The following CWC27 variants were observed in gnomAD, a reference collection of about 807,000 sequenced individuals.
CWC27 encodes the protein spliceosome-associated protein CWC27 homolog.
A neutral mutation model predicts 63.6 loss-of-function variants in CWC27; 47 were observed. The ratio of observed to expected loss-of-function variants is 0.74; its 90% CI spans 0.58 to 0.94. The LOEUF is 0.94. Among genes scored for constraint, CWC27 ranks in the 40% least tolerant of loss-of-function variants. CWC27 has a pLI of 0.00. For missense variants in CWC27, 495 were observed against 554.3 expected (o/e 0.89, Z 1.07); for synonymous variants, 175 against 179.8 (o/e 0.97, Z 0.22).
At chr5:64,956,313 T>G (rs910444374) in intron 11 of CWC27, among the ~76,000 whole-genome samples, 3 of 152,170 alleles carry the variant, frequency 2.0e-5, no homozygotes, top group Non-Finnish European at 4.4e-5. Flanking sequence ...ATTTCTTTAT[T>G]TGGCATTCAG....
At chr5:64,911,845 T>C (rs899053438) in intron 11 of CWC27, among the ~76,000 whole-genome samples, 1 of 151,892 alleles carries the variant, frequency 6.6e-6, no homozygotes, top group African/African-American at 2.4e-5. Context: ...GAGGCCGAGG[T>C]GGGCGGATCA....
intron 10 of CWC27, chr5:64,807,995 G>T: frequency 2.2e-6 from 3 of 1,385,356 alleles, no homozygotes; most frequent in Non-Finnish European, 1.9e-6. Flanking sequence ...TAATCGACTG[G>T]CTACTTTCCA....
chr5:64,945,255 CTA>C (rs1239319831), intron 11 of CWC27, among the ~76,000 whole-genome samples: 1 of 152,132 alleles, frequency 6.6e-6, no homozygotes, highest in African/African-American at 2.4e-5. Flanking sequence ...TTGTAATATA[CTA>C]TATGTCTTAT....
At chr5:64,795,686 A>T (rs1382835508) in intron 7 of CWC27, among the ~76,000 whole-genome samples, 1 of 152,128 alleles carries the variant, frequency 6.6e-6, no homozygotes, top group Non-Finnish European at 1.5e-5. Flanking sequence ...TTGTAATTAC[A>T]TTTGGACCCA....
intron 10 of CWC27, among the ~76,000 whole-genome samples, chr5:64,835,637 A>G (rs895970145): frequency 1.2e-4 from 18 of 151,832 alleles, no homozygotes; most frequent in African/African-American, 3.6e-4. Flanking sequence ...TTTTTGGTAT[A>G]ACTTAAATAT....
chr5:64,792,647 C>A (rs1414809664), intron 7 of CWC27, among the ~76,000 whole-genome samples: 1 of 152,070 alleles, frequency 6.6e-6, no homozygotes, highest in Non-Finnish European at 1.5e-5. Flanking sequence ...TTGCATTGTA[C>A]ACTAGTCCAA....
chr5:64,817,346 G>A (rs1745067327), intron 10 of CWC27, among the ~76,000 whole-genome samples: 1 of 152,036 alleles, frequency 6.6e-6, no homozygotes, highest in Non-Finnish European at 1.5e-5. Flanking sequence ...ACTTATTCAA[G>A]TGACCTAAAG....
At chr5:64,806,529 C>T (rs930060796) in intron 10 of CWC27, among the ~76,000 whole-genome samples, 1 of 152,176 alleles carries the variant, frequency 6.6e-6, no homozygotes, top group Non-Finnish European at 1.5e-5. Flanking sequence ...CTCCTTCATC[C>T]TATCTGTCCT....
At chr5:64,783,201 A>T (rs1217977357) in intron 3 of CWC27, among the ~76,000 whole-genome samples, 3 of 152,206 alleles carry the variant, frequency 2.0e-5, no homozygotes, top group African/African-American at 7.2e-5. Context: ...ATCAGGCTGG[A>T]TGGAAATTCT....
chr5:64,941,807 CAGAT>C (rs148380716), intron 11 of CWC27, among the ~76,000 whole-genome samples: 2,896 of 152,128 alleles, frequency 0.019, 72 homozygotes, highest in African/African-American at 0.056. Context: ...CCTGCTATAT[CAGAT>C]AGATATGGGC....
chr5:64,973,664 G>A (rs1337696816), intron 12 of CWC27, among the ~76,000 whole-genome samples: 1 of 152,086 alleles, frequency 6.6e-6, no homozygotes, highest in East Asian at 1.9e-4. Context: ...TAATAAAGCA[G>A]GAGAAAGTCT....
At chr5:64,846,565 C>A (rs1035693810) in intron 10 of CWC27, among the ~76,000 whole-genome samples, 1 of 152,064 alleles carries the variant, frequency 6.6e-6, no homozygotes, top group African/African-American at 2.4e-5. Flanking sequence ...AAGCAAAAAT[C>A]TTTAGTGGAA....
chr5:64,769,776 A>G (rs1005862984), intron 1 of CWC27, among the ~76,000 whole-genome samples: 2 of 152,192 alleles, frequency 1.3e-5, no homozygotes, highest in Non-Finnish European at 2.9e-5. Flanking sequence ...CATGGAAAAG[A>G]TATCTTTTGA....
chr5:64,974,102 G>A (rs2112444420), intron 12 of CWC27, among the ~76,000 whole-genome samples: 1 of 151,986 alleles, frequency 6.6e-6, no homozygotes, highest in African/African-American at 2.4e-5. Flanking sequence ...GTTTGGCAAG[G>A]TGGTGTGCAT....
intron 11 of CWC27, among the ~76,000 whole-genome samples, chr5:64,967,378 G>A (rs1749037461): frequency 6.6e-6 from 1 of 151,956 alleles, no homozygotes; most frequent in Admixed American, 6.6e-5. Flanking sequence ...ATTCAATGCA[G>A]CTACTGTCAA....
intron 6 of CWC27, among the ~76,000 whole-genome samples, chr5:64,788,677 A>C (rs9291824): frequency 0.54 from 81,707 of 151,308 alleles, 22,581 homozygotes; most frequent in East Asian, 0.86. Context: ...TTACTCAGTA[A>C]ATTTAATGGT....
intron 13 of CWC27, among the ~76,000 whole-genome samples, chr5:65,006,823 A>T (rs1749849773): frequency 6.6e-6 from 1 of 152,194 alleles, no homozygotes; most frequent in South Asian, 2.1e-4. Context: ...CTTCAAGCAG[A>T]AAAGATAACT....
In CWC27 at chr5:64,781,921, CTTA is replaced by C; in HGVS notation, c.145_147del (p.Tyr49del). The C allele has an allele frequency of 6.7e-7, 1 of 1,491,004 alleles. No individual in the cohort carries two copies. Among genetic ancestry groups the C allele is most frequent in the Non-Finnish European group, 9.2e-7 (1 of 1,086,488 alleles). 92.4% of individuals were successfully genotyped at this position (1,491,004 alleles called of 1,614,324 possible). A position where few individuals can be genotyped will look rare whatever the true frequency, so the allele number is the denominator to read the frequency against. The stretch of plus-strand genomic sequence containing the variant: ...TAAATTATTTTTATTTTTTTTTCAG[CTTA>C]TTATGACAATACCATTTTTCATAGA... On this transcript the variant is annotated inframe_deletion and splice_region_variant, in exon 3 of 14. Coordinates refer to ENST00000381070, the MANE Select transcript of CWC27 (RefSeq NM_005869.4).
chr5:65,004,113 G>A (rs1328790254), intron 13 of CWC27, among the ~76,000 whole-genome samples: 13 of 152,118 alleles, frequency 8.5e-5, no homozygotes, highest in South Asian at 2.1e-4. Context: ...CCAAAGTGCC[G>A]GGATTTCAGG....
Sources: allele counts gnomAD v4.1 joint callset (sites outside exome capture counted in the v4.1 genomes callset), GRCh38; gene constraint gnomAD v4.1.1; transcripts MANE v1.5; gene names NCBI Gene and HGNC (gene_info 2026-07-23, HGNC 2026-07-21).